PCBP3: variants seen among roughly 807,000 people sequenced by gnomAD.
PCBP3 encodes poly(rC)-binding protein 3.
In PCBP3, 25 loss-of-function variants were observed where a neutral mutation model predicts 52.7. The observed-to-expected ratio is 0.47, with a 90% CI of 0.35 to 0.66. The LOEUF (loss-of-function observed/expected upper bound fraction) is 0.66, where lower values mean the gene tolerates loss of function less well. Among genes scored for constraint, PCBP3 ranks in the 30% least tolerant of loss-of-function variants. The probability of loss-of-function intolerance (pLI) is 0.01; values close to 1 mark genes in which losing one functional copy is unlikely to be tolerated. For missense variants in PCBP3, 391 were observed against 490.3 expected (o/e 0.80, Z 1.91); for synonymous variants, 162 against 183.0 (o/e 0.89, Z 0.93).
intron 4 of PCBP3, among the ~76,000 whole-genome samples, chr21:45,766,438 C>G (rs1191461923): frequency 1.3e-5 from 2 of 152,214 alleles, no homozygotes; most frequent in East Asian, 3.8e-4. Context: ...AGAGCTGTCT[C>G]TCTCTCTGCA....
chr21:45,789,415 T>C (rs1374664274), intron 4 of PCBP3, among the ~76,000 whole-genome samples: 1 of 151,262 alleles, frequency 6.6e-6, no homozygotes, highest in Non-Finnish European at 1.5e-5. Flanking sequence ...TGTGATCGTG[T>C]CTTTTCATGT....
rs1400571037 is a variant in PCBP3 at position 45,900,667 on chromosome 21, G to A, written c.222+44G>A. 9 of 1,312,690 alleles carry A rather than the reference G, an allele frequency of 6.9e-6. No individual in the cohort carries two copies. The Admixed American group carries it at 1.3e-4, about 20-fold the overall frequency. The allele number at this position is 1,312,690 out of a possible 1,614,324, so 81.3% of individuals were successfully genotyped here. On this transcript the variant is annotated intron_variant, in intron 8 of 17. Transcript: ENST00000681687. ...CACCTGTCCGCAGCCATTCCCGGGTGGGCGGGGTGGGTCCCCAGGCTCTGC... is the reference window on the plus strand; with the variant it reads ...CACCTGTCCGCAGCCATTCCCGGGTAGGCGGGGTGGGTCCCCAGGCTCTGC...
chr21:45,683,748 A>T lies in PCBP3; in HGVS notation c.-200+14796A>T, dbSNP rs529624927. On this transcript the variant is annotated intron_variant, in intron 2 of 17. Coordinates refer to ENST00000681687, the MANE Select transcript of PCBP3 (RefSeq NM_001384156.1). ...GAGACCATCCTGGCTAACACGATGA[A>T]ACCCGGTCTCTACTAAAAATACAAA... Among the ~76,000 whole-genome samples, 152 of 152,120 alleles carry T rather than the reference A, an allele frequency of 1.0e-3. 6 individuals are homozygous for T. In the South Asian group the frequency reaches 0.025, roughly 25 times the overall value.
chr21:45,869,870 G>A (rs2094929796), intron 5 of PCBP3, among the ~76,000 whole-genome samples: 1 of 152,240 alleles, frequency 6.6e-6, no homozygotes, highest in African/African-American at 2.4e-5. Flanking sequence ...AAGGTGCTGT[G>A]GCCGCACTGG....
intron 1 of PCBP3, among the ~76,000 whole-genome samples, chr21:45,668,661 C>T (rs1263650286): frequency 6.6e-6 from 1 of 151,948 alleles, no homozygotes; most frequent in Non-Finnish European, 1.5e-5. Context: ...AAGAAATGTT[C>T]TCCAGATTGT....
At position 45,830,481 on chromosome 21, in the gene PCBP3, G is replaced by C. The variant is rs531345602; in HGVS notation, c.-125-19480G>C. 2.0e-5 allele frequency: 3 copies of C among 152,978 alleles called. No individual in the cohort carries two copies. Among genetic ancestry groups the C allele is most frequent in the Admixed American group, 2.0e-4 (3 of 15,310 alleles). 9.5% of individuals were successfully genotyped at this position (152,978 alleles called of 1,614,324 possible). ...ACAGCAGGCTCGCTGGGAGAGCAGG[G>C]TGGAGTGAGGCCACTGACGCGGGAG... On this transcript the variant is annotated intron_variant, in intron 4 of 17. Coordinates refer to ENST00000681687, the MANE Select transcript of PCBP3 (RefSeq NM_001384156.1). The surrounding 1 kb of genome is among the most constrained non-coding windows in gnomAD (Gnocchi z 4.4).
chr21:45,646,782 G>T (rs1386615605), intron 1 of PCBP3, among the ~76,000 whole-genome samples: 1 of 152,190 alleles, frequency 6.6e-6, no homozygotes, highest in African/African-American at 2.4e-5. Context: ...ACATACATCT[G>T]TAGGCATATA....
At chr21:45,874,299 G>A (rs1461680682) in intron 5 of PCBP3, among the ~76,000 whole-genome samples, 2 of 152,202 alleles carry the variant, frequency 1.3e-5, no homozygotes, top group Non-Finnish European at 2.9e-5. Flanking sequence ...TTAATCTGTA[G>A]ATCAAAATTG....
intron 4 of PCBP3, among the ~76,000 whole-genome samples, chr21:45,758,739 C>T (rs1186867155): frequency 1.3e-5 from 2 of 151,874 alleles, no homozygotes. Context: ...ATTTCTTTTA[C>T]TTCTCTTAGG....
At chr21:45,834,199 G>A (rs2093524052) in intron 4 of PCBP3, among the ~76,000 whole-genome samples, 2 of 152,192 alleles carry the variant, frequency 1.3e-5, no homozygotes, top group African/African-American at 4.8e-5. Flanking sequence ...GCAAGGCCAG[G>A]CCAAGCAGGC....
intron 5 of PCBP3, chr21:45,871,321 G>A (rs2095008071): frequency 6.1e-6 from 1 of 162,766 alleles, no homozygotes; most frequent in Non-Finnish European, 1.3e-5. Context: ...GTGCAGCCCA[G>A]TAACCCCCAG....
chr21:45,894,024 G>A (rs758617388), intron 5 of PCBP3: 1 of 985,426 alleles, frequency 1.0e-6, no homozygotes, highest in Non-Finnish European at 1.2e-6. Context: ...ACGGGTAGGT[G>A]CCTAGGGAGA....
At chr21:45,750,254 A>T (rs2087309204) in intron 3 of PCBP3, 1 of 152,372 alleles carries the variant, frequency 6.6e-6, no homozygotes. Flanking sequence ...CCCCTGGAAG[A>T]CCATGCGGAA....
chr21:45,731,527 G>A (rs1416651015), intron 2 of PCBP3, among the ~76,000 whole-genome samples: 2 of 152,182 alleles, frequency 1.3e-5, no homozygotes, highest in African/African-American at 4.8e-5. Context: ...GGCCTCTCTG[G>A]ATCTAACTGG....
chr21:45,680,565 A>G (rs185193027), intron 2 of PCBP3, among the ~76,000 whole-genome samples: 1 of 152,318 alleles, frequency 6.6e-6, no homozygotes, highest in Non-Finnish European at 1.5e-5. Context: ...TAGTTTTATG[A>G]CATTGCTGAA....
intron 1 of PCBP3, among the ~76,000 whole-genome samples, chr21:45,647,218 G>A (rs547869993): frequency 7.9e-5 from 12 of 152,290 alleles, no homozygotes; most frequent in Middle Eastern, 3.4e-3. Context: ...CTTAACCCAG[G>A]TTACTCTTTG....
chr21:45,917,377 C>T lies in PCBP3; in HGVS notation c.676-211C>T, dbSNP rs2073644952. Reference sequence around the variant, plus strand: ...CCACCCGCTGAACTGGCCAGCTCAGCTCTGCCCGCCCAGAGGAAGTGGGTG... The same window carrying T: ...CCACCCGCTGAACTGGCCAGCTCAGTTCTGCCCGCCCAGAGGAAGTGGGTG... On this transcript the variant is annotated intron_variant, in intron 12 of 17. Transcript: ENST00000681687. The surrounding 1 kb of genome is among the most constrained non-coding windows in gnomAD (Gnocchi z 5.3). 3 of 487,820 alleles carry T rather than the reference C, an allele frequency of 6.1e-6. No homozygotes were observed. In the South Asian group the frequency reaches 6.6e-5, roughly 11 times the overall value. 30.2% of individuals were successfully genotyped at this position (487,820 alleles called of 1,614,324 possible). A position where few individuals can be genotyped will look rare whatever the true frequency, so the allele number is the denominator to read the frequency against.
At chr21:45,936,224 G>A (rs3788242) in intron 16 of PCBP3, among the ~76,000 whole-genome samples, 9,497 of 152,274 alleles carry the variant, frequency 0.062, 733 homozygotes, top group African/African-American at 0.18. Flanking sequence ...ATGGACAGTG[G>A]AGCAGGAGAA....
At position 45,917,720 on chromosome 21, in the gene PCBP3, A is replaced by G. The variant is rs373621850; in HGVS notation, c.717+91A>G. The stretch of plus-strand genomic sequence containing the variant: ...GCTGTTAATTGCTACTAACATTAAT[A>G]TTACACAATAATATTAATCAACTTC... On this transcript the variant is annotated intron_variant, in intron 13 of 17. Coordinates refer to ENST00000681687, the MANE Select transcript of PCBP3 (RefSeq NM_001384156.1). The surrounding 1 kb of genome is among the most constrained non-coding windows in gnomAD (Gnocchi z 5.3). 17 of 988,308 alleles carry G rather than the reference A, an allele frequency of 1.7e-5. No individual in the cohort carries two copies. Among genetic ancestry groups the G allele is most frequent in the African/African-American group, 1.6e-4 (10 of 62,822 alleles). The allele number at this position is 988,308 out of a possible 1,614,324, so 61.2% of individuals were successfully genotyped here. A position where few individuals can be genotyped will look rare whatever the true frequency, so the allele number is the denominator to read the frequency against.
Sources: gnomAD v4.1 joint callset for allele counts (sites outside exome capture counted in the v4.1 genomes callset) on GRCh38, gnomAD v4.1.1 for gene constraint, Gnocchi (gnomAD v3.1) non-coding constraint, MANE v1.5 for transcripts, NCBI Gene and HGNC (gene_info 2026-07-23, HGNC 2026-07-21) for gene names.